Variants in GATM observed in about 807,000 individuals in gnomAD.
GATM encodes glycine amidinotransferase.
A neutral mutation model predicts 54.2 loss-of-function variants in GATM; 23 were observed. The observed-to-expected ratio is 0.42, with a 90% CI of 0.31 to 0.60. The LOEUF (loss-of-function observed/expected upper bound fraction) is 0.60, where lower values mean the gene tolerates loss of function less well. GATM is among the 20% of genes least tolerant of loss of function. The probability of loss-of-function intolerance (pLI) is 0.14; values close to 1 mark genes in which losing one functional copy is unlikely to be tolerated. For missense variants in GATM, 401 were observed against 544.9 expected (o/e 0.74, Z 2.63); for synonymous variants, 168 against 183.1 (o/e 0.92, Z 0.67).
chr15:45,361,738 G>GA lies in GATM; in HGVS notation c.*370dup, dbSNP rs1408463181. 1.0e-5 allele frequency: 5 copies of GA among 476,818 alleles called. No homozygotes were observed. Among genetic ancestry groups the GA allele is most frequent in the South Asian group, 9.9e-5 (2 of 20,134 alleles). 29.5% of individuals were successfully genotyped at this position (476,818 alleles called of 1,614,324 possible). A position where few individuals can be genotyped will look rare whatever the true frequency, so the allele number is the denominator to read the frequency against. On this transcript the variant is annotated 3_prime_UTR_variant, in exon 9 of 9. Coordinates refer to ENST00000396659, the MANE Select transcript of GATM (RefSeq NM_001482.3). ...AAACATTCTCAAGTCTATAGAAGAG[G>GA]AAAAAAAATTAAGATTAGGACCAAC...
intron 1 of GATM, among the ~76,000 whole-genome samples, chr15:45,401,035 A>G (rs1889996549): frequency 6.6e-6 from 1 of 152,230 alleles, no homozygotes; most frequent in South Asian, 2.1e-4. Context: ...ACTGAAGCCA[A>G]TGGGATTAAG....
At chr15:45,394,157 G>A (rs765127347) in intron 3 of GATM, among the ~76,000 whole-genome samples, 31 of 152,182 alleles carry the variant, frequency 2.0e-4, no homozygotes, top group Admixed American at 1.0e-3. Context: ...AGGACTGAGC[G>A]AGCATTACCA....
chr15:45,387,134 T>C (rs747940920), intron 3 of GATM, among the ~76,000 whole-genome samples: 1 of 152,250 alleles, frequency 6.6e-6, no homozygotes, highest in Non-Finnish European at 1.5e-5. Flanking sequence ...GATTTAGTAA[T>C]GACAGACTAT....
intron 3 of GATM, among the ~76,000 whole-genome samples, chr15:45,384,247 T>C (rs1366362609): frequency 6.6e-6 from 1 of 152,242 alleles, no homozygotes; most frequent in East Asian, 1.9e-4. Context: ...ATCTTGATAT[T>C]TCAAGATATC....
chr15:45,393,484 CACTT>C (rs1184003648), intron 3 of GATM, among the ~76,000 whole-genome samples: 1 of 151,968 alleles, frequency 6.6e-6, no homozygotes, highest in Admixed American at 6.5e-5. Flanking sequence ...ATACTGTAAA[CACTT>C]ACAACTGTAC....
chr15:45,392,709 C>G (rs1889885908), intron 3 of GATM, among the ~76,000 whole-genome samples: 1 of 152,202 alleles, frequency 6.6e-6, no homozygotes, highest in Admixed American at 6.5e-5. Context: ...ATTTGATCAT[C>G]TTCATATCTT....
chr15:45,390,841 C>T (rs760734723), intron 3 of GATM, among the ~76,000 whole-genome samples: 14 of 152,016 alleles, frequency 9.2e-5, no homozygotes, highest in Non-Finnish European at 2.1e-4. Context: ...AGAAGTCTTT[C>T]ACATCACTGT....
At chr15:45,384,364 G>A (rs1889780257) in intron 3 of GATM, among the ~76,000 whole-genome samples, 1 of 152,182 alleles carries the variant, frequency 6.6e-6, no homozygotes, top group Admixed American at 6.5e-5. Flanking sequence ...ACTTATGTGG[G>A]TCAGCTAGAG....
chr15:45,369,890 G>A (rs972613974), intron 2 of GATM, among the ~76,000 whole-genome samples: 3 of 152,056 alleles, frequency 2.0e-5, no homozygotes, highest in Non-Finnish European at 4.4e-5. Context: ...TCAATAAAAT[G>A]AAACAAGAGA....
At chr15:45,392,899 G>T (rs1230947910) in intron 3 of GATM, among the ~76,000 whole-genome samples, 1 of 152,142 alleles carries the variant, frequency 6.6e-6, no homozygotes, top group African/African-American at 2.4e-5. Flanking sequence ...ACAATTAGGG[G>T]ATCAGTAGAA....
At chr15:45,371,163 T>C (rs1207917882) in intron 2 of GATM, among the ~76,000 whole-genome samples, 1 of 152,210 alleles carries the variant, frequency 6.6e-6, no homozygotes, top group Non-Finnish European at 1.5e-5. Flanking sequence ...AATTTCTCAA[T>C]CATAAATACA....
chr15:45,384,142 G>T (rs1889777072), intron 3 of GATM, among the ~76,000 whole-genome samples: 1 of 152,224 alleles, frequency 6.6e-6, no homozygotes, highest in East Asian at 1.9e-4. Context: ...ATTCTCAGGA[G>T]AATAGCTACT....
chr15:45,384,950 C>G (rs1437376370), intron 3 of GATM, among the ~76,000 whole-genome samples: 2 of 152,118 alleles, frequency 1.3e-5, no homozygotes, highest in East Asian at 3.9e-4. Flanking sequence ...TCCCATGATC[C>G]TCCTGCCTCA....
chr15:45,376,349 A>C lies in GATM; in HGVS notation c.288+252T>G, dbSNP rs66528868. Among the ~76,000 whole-genome samples, 48,448 of 152,008 alleles carry C rather than the reference A, an allele frequency of 0.32. 8,796 individuals are homozygous for C. Among genetic ancestry groups the C allele is most frequent in the East Asian group, 0.83 (4,280 of 5,148 alleles). On this transcript the variant is annotated intron_variant, in intron 2 of 8. Transcript: ENST00000396659. Reference sequence around the variant, plus strand: ...ACAGGCTGTGACGGAAGAAGATCTGAGGACAGTGAAAGAACTATTATTCCC... The same window carrying C: ...ACAGGCTGTGACGGAAGAAGATCTGCGGACAGTGAAAGAACTATTATTCCC...
intron 2 of GATM, among the ~76,000 whole-genome samples, chr15:45,373,771 T>C (rs901278460): frequency 5.4e-4 from 82 of 152,316 alleles, no homozygotes; most frequent in African/African-American, 1.8e-3. Flanking sequence ...TGGCCTTGCT[T>C]GCTAGGATCC....
intron 3 of GATM, among the ~76,000 whole-genome samples, chr15:45,394,463 C>A (rs2140681329): frequency 6.6e-6 from 1 of 152,206 alleles, no homozygotes; most frequent in African/African-American, 2.4e-5. Flanking sequence ...CAGAATTAAG[C>A]CAAGTGCTAA....
intron 1 of GATM, among the ~76,000 whole-genome samples, chr15:45,399,876 T>TAAAACAAAA (rs200853065): frequency 6.6e-6 from 1 of 152,136 alleles, no homozygotes; most frequent in African/African-American, 2.4e-5. Context: ...AAATTTCTGG[T>TAAAACAAAA]CAGATTAAAA....
intron 2 of GATM, chr15:45,369,779 T>C (rs1403877935): frequency 8.3e-6 from 4 of 479,806 alleles, no homozygotes; most frequent in Non-Finnish European, 1.5e-5. Context: ...GGCCAACCAC[T>C]AACAGCATGT....
intron 7 of GATM, 98 bp downstream of exon 7, chr15:45,364,699 C>A: frequency 1.9e-6 from 2 of 1,073,450 alleles, no homozygotes; most frequent in Admixed American, 1.8e-5. Context: ...GAAACACATT[C>A]TCTAAGCTGC....
Sources: allele counts gnomAD v4.1 joint callset (sites outside exome capture counted in the v4.1 genomes callset), GRCh38; gene constraint gnomAD v4.1.1; transcripts MANE v1.5; gene names NCBI Gene and HGNC (gene_info 2026-07-23, HGNC 2026-07-21).